The following PARD3 variants were observed in gnomAD, a reference collection of about 807,000 sequenced individuals.
PARD3 encodes the protein par-3 family cell polarity regulator.
A neutral mutation model predicts 155.4 loss-of-function variants in PARD3; 75 were observed. The ratio of observed to expected loss-of-function variants is 0.48; its 90% confidence interval spans 0.40 to 0.58. The LOEUF is 0.58. Ranked by LOEUF, PARD3 falls within the 20% of genes least tolerant of loss-of-function variation. PARD3 has a pLI of 0.00. For missense variants in PARD3, 1,642 were observed against 1,721.7 expected, an observed-to-expected ratio of 0.95 and a Z score of 0.82; for synonymous variants, 576 against 610.5, an observed-to-expected ratio of 0.94 and a Z score of 0.83.
chr10:34,814,340 C>T (rs966252830), intron 1 of PARD3, among the ~76,000 whole-genome samples: 1 of 152,112 alleles, frequency 6.6e-6, no homozygotes, highest in Admixed American at 6.5e-5. Context: ...GGAGGAAAAG[C>T]CCCCCGCCGC....
chr10:34,423,192 A>C (rs1214984261), intron 5 of PARD3, among the ~76,000 whole-genome samples: 1 of 152,290 alleles, frequency 6.6e-6, no homozygotes, highest in East Asian at 1.9e-4. Flanking sequence ...ATAGTGGAGG[A>C]CATTATGTTA....
chr10:34,669,162 A>G lies in PARD3; in HGVS notation c.222+27156T>C, dbSNP rs1367466599. On this transcript the variant is annotated intron_variant, in intron 2 of 24. Transcript: ENST00000374788. ...ATATCAAAAAGATACCTGCACTCAT[A>G]TATGTATCTCAGCACTAGTCACAAT... Among the ~76,000 whole-genome samples the G allele has an allele frequency of 3.9e-5, 6 of 152,332 alleles. No individual in the cohort carries two copies. In the East Asian group the frequency reaches 1.2e-3, roughly 29 times the overall value.
intron 5 of PARD3, among the ~76,000 whole-genome samples, chr10:34,429,687 G>A (rs1206682623): frequency 2.0e-5 from 3 of 152,138 alleles, no homozygotes; most frequent in South Asian, 2.1e-4. Flanking sequence ...CCGGGTTCAA[G>A]CAATTCTCCT....
At chr10:34,581,015 T>C (rs1000669095) in intron 2 of PARD3, among the ~76,000 whole-genome samples, 1 of 152,110 alleles carries the variant, frequency 6.6e-6, no homozygotes, top group Non-Finnish European at 1.5e-5. Flanking sequence ...TTGTTTTCTT[T>C]CCCCCAACGA....
intron 15 of PARD3, chr10:34,346,057 C>T (rs1722163441): frequency 1.0e-6 from 1 of 986,808 alleles, no homozygotes; most frequent in African/African-American, 1.7e-5. Flanking sequence ...CATTTGTCAC[C>T]CCCAGCCCAA....
At chr10:34,300,569 A>G (rs1292593743) in intron 20 of PARD3, among the ~76,000 whole-genome samples, 1 of 151,894 alleles carries the variant, frequency 6.6e-6, no homozygotes, top group East Asian at 1.9e-4. Flanking sequence ...GGCTGCAGTG[A>G]GCCATGCTTG....
rs149448358 is a variant in PARD3 at position 34,118,041 on chromosome 10, A to C, written c.3668+1572T>G. On this transcript the variant is annotated intron_variant, in intron 24 of 24. Transcript: ENST00000374788. ...TGTGTGAGCTGGGGGAAATTTACTT[A>C]CTCTGAGCTGTTTCCTTGTAAGATA... Among the ~76,000 whole-genome samples the C allele has an allele frequency of 4.8e-3, 732 of 152,028 alleles. 3 individuals carry two copies. The highest frequency in any genetic ancestry group is 0.017 in the African/African-American group (699 of 41,470).
intron 1 of PARD3, among the ~76,000 whole-genome samples, chr10:34,737,043 C>T (rs1391155820): frequency 6.6e-6 from 1 of 152,096 alleles, no homozygotes; most frequent in African/African-American, 2.4e-5. Context: ...TCCCCTTTTA[C>T]GGTTGAGATG....
At chr10:34,149,352 T>C (rs1028997582) in intron 22 of PARD3, among the ~76,000 whole-genome samples, 8 of 152,220 alleles carry the variant, frequency 5.3e-5, no homozygotes, top group African/African-American at 1.9e-4. Flanking sequence ...TGTTACTATT[T>C]GTAATAAGAC....
chr10:34,669,314 T>C (rs907913330), intron 2 of PARD3, among the ~76,000 whole-genome samples: 1 of 152,134 alleles, frequency 6.6e-6, no homozygotes, highest in Admixed American at 6.5e-5. Context: ...TGCAGCAATA[T>C]TGATGGAACT....
intron 3 of PARD3, among the ~76,000 whole-genome samples, chr10:34,515,796 T>C (rs957042415): frequency 9.9e-5 from 15 of 151,996 alleles, no homozygotes; most frequent in African/African-American, 3.4e-4. Context: ...CTAAATATTA[T>C]CTACCTATAT....
chr10:34,766,487 C>A (rs1165610715), intron 1 of PARD3, among the ~76,000 whole-genome samples: 1 of 152,076 alleles, frequency 6.6e-6, no homozygotes, highest in African/African-American at 2.4e-5. Context: ...TTGCTACTAG[C>A]CCCAAAGCTG....
At chr10:34,468,470 A>G (rs954587205) in intron 4 of PARD3, among the ~76,000 whole-genome samples, 1 of 152,188 alleles carries the variant, frequency 6.6e-6, no homozygotes, top group Non-Finnish European at 1.5e-5. Context: ...GTGAATATCC[A>G]TGTAAATTAA....
At chr10:34,289,807 C>A (rs946805740) in intron 20 of PARD3, among the ~76,000 whole-genome samples, 1 of 152,112 alleles carries the variant, frequency 6.6e-6, no homozygotes, top group Non-Finnish European at 1.5e-5. Context: ...TACAATAATG[C>A]GTTACAAATG....
chr10:34,576,927 A>C (rs771524142), intron 2 of PARD3, among the ~76,000 whole-genome samples: 2 of 152,230 alleles, frequency 1.3e-5, no homozygotes, highest in Non-Finnish European at 2.9e-5. Flanking sequence ...CGTCATCAGC[A>C]GTAAAACTCA....
chr10:34,204,573 G>T (rs184446318), intron 22 of PARD3, among the ~76,000 whole-genome samples: 2 of 152,212 alleles, frequency 1.3e-5, no homozygotes, highest in African/African-American at 4.8e-5. Context: ...ACAGGATGGG[G>T]GCTCAGATGT....
intron 1 of PARD3, among the ~76,000 whole-genome samples, chr10:34,789,515 T>C (rs1369956145): frequency 1.3e-5 from 2 of 151,774 alleles, no homozygotes; most frequent in Non-Finnish European, 1.5e-5. Context: ...CTGGGCAGCA[T>C]GCTGAGACCC....
chr10:34,653,924 G>A (rs2133079792), intron 2 of PARD3, among the ~76,000 whole-genome samples: 1 of 152,228 alleles, frequency 6.6e-6, no homozygotes, highest in South Asian at 2.1e-4. Context: ...ACTTGGAGAT[G>A]TGATTACAGG....
chr10:34,707,459 G>A (rs1191614442), intron 1 of PARD3, among the ~76,000 whole-genome samples: 1 of 152,066 alleles, frequency 6.6e-6, no homozygotes, highest in Non-Finnish European at 1.5e-5. Context: ...TCTGGAGGAA[G>A]GACCAACCAC....
Sources: gnomAD v4.1 joint callset for allele counts (sites outside exome capture counted in the v4.1 genomes callset) on GRCh38, gnomAD v4.1.1 for gene constraint, MANE v1.5 for transcripts, NCBI Gene and HGNC (gene_info 2026-07-23, HGNC 2026-07-21) for gene names.